The following ABCD2 variants were observed in gnomAD, a reference collection of about 807,000 sequenced individuals.
The protein encoded by ABCD2 is ATP binding cassette subfamily D member 2.
ABCD2 carries 36 observed loss-of-function variants against 70.9 expected under a neutral mutation model. The observed-to-expected ratio is 0.51, with a 90% CI of 0.39 to 0.67. The LOEUF (loss-of-function observed/expected upper bound fraction) is 0.67. ABCD2 is among the 30% of genes least tolerant of loss of function. ABCD2 has a pLI of 0.00. For missense variants in ABCD2, 729 were observed against 890.2 expected (o/e 0.82, Z 2.30); for synonymous variants, 304 against 306.9 (o/e 0.99, Z 0.10).
In ABCD2 at chr12:39,614,498, C is replaced by G. The variant is rs543088911; in HGVS notation, c.1120+2490G>C. ...CTTCATTTTATCCTCTTTTTCCCCC[C>G]TCTACTTCACATTTTCCCCTTGCCA... is the stretch of plus-strand genomic sequence containing the variant. On this transcript the variant is annotated intron_variant, in intron 2 of 9. Transcript: ENST00000308666. 2.6e-5 allele frequency among the ~76,000 whole-genome samples: 4 copies of G among 152,010 alleles called. No individual in the cohort carries two copies. The East Asian group carries it at 7.7e-4, about 29-fold the overall frequency.
chr12:39,565,391 A>G (rs1941328742), intron 9 of ABCD2, among the ~76,000 whole-genome samples: 1 of 152,196 alleles, frequency 6.6e-6, no homozygotes, highest in Non-Finnish European at 1.5e-5. Flanking sequence ...CTTGGAAGCA[A>G]TTGTGAATGG....
intron 3 of ABCD2, among the ~76,000 whole-genome samples, chr12:39,605,708 C>G (rs1057396609): frequency 6.6e-6 from 1 of 151,978 alleles, no homozygotes; most frequent in Non-Finnish European, 1.5e-5. Context: ...TGACTCATTT[C>G]CTATCAAGAA....
Position 39,617,107 on chromosome 12 carries a change from A to G in ABCD2, c.1001T>C (p.Leu334Ser). 8.1e-6 allele frequency: 13 copies of G among 1,612,536 alleles called. No homozygotes were observed. Among genetic ancestry groups the G allele is most frequent in the Non-Finnish European group, 1.1e-5 (13 of 1,179,168 alleles). ...CATGATGTACCACAAACGTTTGGAT[A>G]AAATGAGGTTCATCTGATCTGCTAA... is the stretch of plus-strand genomic sequence containing the variant. ...KALADQMNLI[L>S]SKRLWYIMIE... Residue 334 changes from leucine (L) to serine (S), a missense_variant, in exon 2 of 10, where the codon TTA becomes TCA. Physicochemically the swap from Leu to Ser is moderately radical, Grantham distance 145. Transcript: ENST00000308666.
intron 9 of ABCD2, among the ~76,000 whole-genome samples, chr12:39,560,193 A>T (rs1325721741): frequency 2.0e-5 from 3 of 152,040 alleles, no homozygotes; most frequent in Admixed American, 6.6e-5. Context: ...CCGGTGTGTG[A>T]TGTTCCCCTT....
downstream of ABCD2, among the ~76,000 whole-genome samples, chr12:39,546,055 A>T (rs187478930): frequency 6.6e-6 from 1 of 152,314 alleles, no homozygotes; most frequent in East Asian, 1.9e-4. Flanking sequence ...CAGTGAGTTA[A>T]TTCTTAATTT....
At chr12:39,577,876 T>A (rs1941540627) in intron 8 of ABCD2, among the ~76,000 whole-genome samples, 1 of 152,194 alleles carries the variant, frequency 6.6e-6, no homozygotes, top group Non-Finnish European at 1.5e-5. Context: ...TAAATCAGTG[T>A]AATGAGAATA....
At chr12:39,618,570 G>T in intron 1 of ABCD2, 107 bp downstream of exon 1, 1 of 942,028 alleles carries the variant, frequency 1.1e-6, no homozygotes, top group Non-Finnish European at 1.6e-6. Flanking sequence ...AGGAATCTAA[G>T]ACACTAAAGA....
intron 7 of ABCD2, among the ~76,000 whole-genome samples, chr12:39,585,835 T>A (rs1941656590): frequency 6.6e-6 from 1 of 152,142 alleles, no homozygotes; most frequent in South Asian, 2.1e-4. Flanking sequence ...AATATGTCTG[T>A]CATAGACTTT....
At chr12:39,610,032 T>G (rs1188334196) in intron 2 of ABCD2, among the ~76,000 whole-genome samples, 2 of 152,176 alleles carry the variant, frequency 1.3e-5, no homozygotes, top group Non-Finnish European at 2.9e-5. Flanking sequence ...TATTACTTGC[T>G]GCAAGAGACA....
intron 2 of ABCD2, among the ~76,000 whole-genome samples, chr12:39,611,561 G>T (rs1401422363): frequency 6.6e-6 from 1 of 151,984 alleles, no homozygotes; most frequent in Admixed American, 6.6e-5. Context: ...CATTCTAAGT[G>T]ACTGAAGATC....
At position 39,554,464 on chromosome 12, in the gene ABCD2, G is replaced by T. The variant is rs574048411; in HGVS notation, c.2004-333C>A. Among the ~76,000 whole-genome samples, 6 of 152,176 alleles carry T rather than the reference G, an allele frequency of 3.9e-5. 2 individuals carry two copies. The South Asian group carries it at 1.2e-3, about 32-fold the overall frequency. On this transcript the variant is annotated intron_variant, in intron 9 of 9. Transcript: ENST00000308666. Reference sequence around the variant, plus strand: ...AAGGCATTCTTAGGATGGGAGTAAGGAAAGGAAGCTGAGGAAAGAAAATCA... The same window carrying T: ...AAGGCATTCTTAGGATGGGAGTAAGTAAAGGAAGCTGAGGAAAGAAAATCA...
At chr12:39,615,276 T>C (rs554970794) in intron 2 of ABCD2, among the ~76,000 whole-genome samples, 15 of 152,130 alleles carry the variant, frequency 9.9e-5, no homozygotes, top group African/African-American at 3.1e-4. Context: ...TAGAGTTGTC[T>C]CTAATATACA....
chr12:39,611,515 A>G (rs1336241141), intron 2 of ABCD2, among the ~76,000 whole-genome samples: 1 of 152,178 alleles, frequency 6.6e-6, no homozygotes, highest in Non-Finnish European at 1.5e-5. Flanking sequence ...GACAAAATTT[A>G]TAACCTGCGC....
intron 3 of ABCD2, among the ~76,000 whole-genome samples, chr12:39,606,472 G>A (rs899682652): frequency 6.6e-6 from 1 of 152,084 alleles, no homozygotes; most frequent in Non-Finnish European, 1.5e-5. Context: ...AAAACTAATT[G>A]TTATCATTTC....
At chr12:39,604,401 A>T (rs914053019) in intron 4 of ABCD2, among the ~76,000 whole-genome samples, 3 of 152,062 alleles carry the variant, frequency 2.0e-5, no homozygotes, top group South Asian at 2.1e-4. Flanking sequence ...ATGCAATTTT[A>T]AAAAATATGT....
chr12:39,612,447 A>C (rs557829403), intron 2 of ABCD2, among the ~76,000 whole-genome samples: 1 of 152,348 alleles, frequency 6.6e-6, no homozygotes, highest in South Asian at 2.1e-4. Context: ...TCATAAGCAT[A>C]ATACTGAGTC....
At chr12:39,584,937 G>T (rs896506571) in intron 7 of ABCD2, among the ~76,000 whole-genome samples, 2 of 152,198 alleles carry the variant, frequency 1.3e-5, no homozygotes, top group African/African-American at 4.8e-5. Flanking sequence ...AGTATAGTTT[G>T]AAGTGGGGCA....
At chr12:39,588,359 G>C (rs1377644782) in intron 6 of ABCD2, among the ~76,000 whole-genome samples, 2 of 152,096 alleles carry the variant, frequency 1.3e-5, no homozygotes, top group Non-Finnish European at 2.9e-5. Context: ...TAAGGTTCTT[G>C]AGACGAGATC....
At chr12:39,593,646 T>A (rs1941775894) in intron 6 of ABCD2, among the ~76,000 whole-genome samples, 1 of 152,178 alleles carries the variant, frequency 6.6e-6, no homozygotes, top group East Asian at 1.9e-4. Flanking sequence ...ATTATCGTCC[T>A]TCAAGCCCTT....
Sources: allele counts gnomAD v4.1 joint callset (sites outside exome capture counted in the v4.1 genomes callset), GRCh38; gene constraint gnomAD v4.1.1; transcripts MANE v1.5; gene names NCBI Gene and HGNC (gene_info 2026-07-23, HGNC 2026-07-21).